The following EIF4A3 variants were observed in gnomAD, a reference collection of about 807,000 sequenced individuals.
The protein encoded by EIF4A3 is eukaryotic translation initiation factor 4A3, also known as eukaryotic initiation factor 4A-III.
Under a neutral mutation model 55.6 loss-of-function variants are expected in EIF4A3, and 1 was observed. The observed-to-expected ratio is 0.02, with a 90% CI of 0.01 to 0.09. The LOEUF (loss-of-function observed/expected upper bound fraction) is 0.09, where lower values mean the gene tolerates loss of function less well. EIF4A3 is among the 10% of genes least tolerant of loss of function. The pLI is 1.00. For missense variants in EIF4A3, 221 were observed against 540.7 expected (o/e 0.41, Z 5.86); for synonymous variants, 194 against 196.3 (o/e 0.99, Z 0.10).
intron 3 of EIF4A3, 116 bp downstream of exon 3, chr17:80,141,666 G>C: frequency 9.7e-7 from 1 of 1,033,062 alleles, no homozygotes; most frequent in Admixed American, 2.5e-5. Flanking sequence ...AAAATTTGCT[G>C]AGTCAATACA....
chr17:80,146,486 G>A (rs953016760), intron 1 of EIF4A3, among the ~76,000 whole-genome samples: 1 of 152,228 alleles, frequency 6.6e-6, no homozygotes, highest in Non-Finnish European at 1.5e-5. Context: ...ACCTAGAAAA[G>A]CTAATAGGTA....
chr17:80,140,437 C>T (rs2039608262), intron 4 of EIF4A3: 1 of 237,994 alleles, frequency 4.2e-6, no homozygotes. Flanking sequence ...CCTCAGCTTC[C>T]TGAGTAGCTG....
chr17:80,137,626 T>C, intron 8 of EIF4A3, 125 bp from the exon 9 acceptor site: 1 of 732,020 alleles, frequency 1.4e-6, no homozygotes, highest in Non-Finnish European at 2.2e-6. Flanking sequence ...CTCTTAAAAC[T>C]CAGAATCATC....
intron 1 of EIF4A3, among the ~76,000 whole-genome samples, 190 bp from the exon 2 acceptor site, chr17:80,144,434 G>A (rs555904380): frequency 6.6e-6 from 1 of 151,518 alleles, no homozygotes; most frequent in East Asian, 1.9e-4. Flanking sequence ...ACACTAACGT[G>A]GGATATTATT....
chr17:80,138,162 A>T lies in EIF4A3; in HGVS notation c.847T>A (p.Phe283Ile). ...DTLTITQAVI[F>I]CNTKRKVDWL... ...CTTACCTTTCTTTTGGTGTTGCAGA[A>T]GATGACCGCCTGAGTGATGGTCAGT... Residue 283 changes from phenylalanine to isoleucine, a missense_variant, in exon 8 of 12, where the codon TTC becomes ATC. Transcript: ENST00000649764. 1.2e-6 allele frequency: 2 copies of T among 1,614,142 alleles called. No homozygotes were observed. The highest frequency in any genetic ancestry group is 1.7e-6 in the Non-Finnish European group (2 of 1,179,966).
At chr17:80,141,471 C>G (rs2143995132) in intron 3 of EIF4A3, 90 bp from the exon 4 acceptor site, 3 of 1,250,884 alleles carry the variant, frequency 2.4e-6, no homozygotes, top group Non-Finnish European at 3.5e-6. Flanking sequence ...ATGAGAAATA[C>G]TATCTCATAT....
At position 80,141,306 on chromosome 17, in the gene EIF4A3, T is replaced by G. The variant is rs764857426; in HGVS notation, c.372+13A>C. On this transcript the variant is annotated intron_variant, in intron 4 of 11. Coordinates refer to ENST00000649764, the MANE Select transcript of EIF4A3 (RefSeq NM_014740.4). ...ACTTGTTAATCGGACACCGCTATCT[T>G]TAGCCATCTCACCTTCTGGATCTGC... 4 of 1,610,808 alleles carry G rather than the reference T, an allele frequency of 2.5e-6. No individual in the cohort carries two copies. The highest frequency in any genetic ancestry group is 1.7e-6 in the Non-Finnish European group (2 of 1,177,278).
chr17:80,139,347 C>A, intron 6 of EIF4A3, 185 bp from the exon 7 acceptor site: 2 of 753,898 alleles, frequency 2.7e-6, no homozygotes, highest in South Asian at 1.9e-5. Context: ...CCCCGCCCAC[C>A]GGAGTGTTAT....
At chr17:80,137,001 C>A (rs867050474) in intron 9 of EIF4A3, 1 of 167,912 alleles carries the variant, frequency 6.0e-6, no homozygotes, top group African/African-American at 2.4e-5. Flanking sequence ...GTTAAGCTGA[C>A]CACAAGGTGG....
rs377400429 is a variant in EIF4A3 at position 80,144,152 on chromosome 17, C to T, written c.242+20G>A. 1.7e-4 allele frequency: 276 copies of T among 1,612,942 alleles called. 1 individual carries two copies. In the African/African-American group the frequency reaches 3.3e-3, roughly 19 times the overall value. The stretch of plus-strand genomic sequence containing the variant: ...CCCAAATTTACATCCAGCCCTGCGC[C>T]GCACCCCAGGACAACTTACTGTGCG... On this transcript the variant is annotated intron_variant, in intron 2 of 11. Coordinates refer to ENST00000649764, the MANE Select transcript of EIF4A3 (RefSeq NM_014740.4).
chr17:80,136,379 A>G, intron 9 of EIF4A3, 44 bp from the exon 10 acceptor site: 1 of 1,520,756 alleles, frequency 6.6e-7, no homozygotes, highest in African/African-American at 1.4e-5. Flanking sequence ...TTACTCATAC[A>G]AGTGTAAGAC....
chr17:80,146,757 G>A, intron 1 of EIF4A3, 36 bp downstream of exon 1: 3 of 1,590,918 alleles, frequency 1.9e-6, no homozygotes, highest in Non-Finnish European at 1.7e-6. Context: ...CCCCCGACTC[G>A]CCCCCGGCTG....
At chr17:80,145,470 A>G (rs1289251969) in intron 1 of EIF4A3, among the ~76,000 whole-genome samples, 1 of 152,166 alleles carries the variant, frequency 6.6e-6, no homozygotes, top group Non-Finnish European at 1.5e-5. Context: ...AGGCTGAGGC[A>G]AAGGAATCGC....
rs1490136395 is a variant in EIF4A3, at chr17:80,136,236, G to A, written c.1083C>T (p.Tyr361=). The part of the protein sequence containing the change: ...NYDLPNNREL[Y]IHRIGRSGRY... ...GAGAGCTTGCACCTTACCTGTGTAT[G>A]TACAATTCTCTGTTATTAGGGAGAT... The change falls in exon 10 of 12, where the codon TAC becomes TAT. Residue 361 remains tyrosine (Y), a synonymous_variant. Transcript: ENST00000649764. 6.2e-7 allele frequency: 1 copy of A among 1,613,858 alleles called. No homozygotes were observed. Among genetic ancestry groups the A allele is most frequent in the Non-Finnish European group, 8.5e-7 (1 of 1,179,772 alleles).
chr17:80,135,852 G>C (rs187768825), intron 11 of EIF4A3, 152 bp downstream of exon 11: 59 of 1,001,144 alleles, frequency 5.9e-5, no homozygotes, highest in Non-Finnish European at 7.6e-5. Context: ...CCGAAATCGC[G>C]CCACTGCACT....
In EIF4A3 at chr17:80,138,045, C is replaced by G. The variant is rs2039587247; in HGVS notation, c.867+97G>C. ...ATACCCTGAAAGCTTAAAATATGGA[C>G]AAACTGGCCCTTTACTGAAAAATCT... On this transcript the variant is annotated intron_variant, in intron 8 of 11. Transcript: ENST00000649764. 4.1e-6 allele frequency: 6 copies of G among 1,475,920 alleles called. No homozygotes were observed. In the East Asian group the frequency reaches 1.1e-4, roughly 28 times the overall value. 91.4% of individuals were successfully genotyped at this position (1,475,920 alleles called of 1,614,324 possible). A position where few individuals can be genotyped will look rare whatever the true frequency, so the allele number is the denominator to read the frequency against.
At position 80,139,173 on chromosome 17, in the gene EIF4A3, G is replaced by C. The variant is rs779611208; in HGVS notation, c.587-11C>G. ...TCTGCTCTTTGAAACCTGGGACAGG[G>C]AGCAAGACAGGTGAGGGATGTTTAG... is the stretch of plus-strand genomic sequence containing the variant. On this transcript the variant is annotated splice_polypyrimidine_tract_variant and intron_variant, in intron 6 of 11. Coordinates refer to ENST00000649764, the MANE Select transcript of EIF4A3 (RefSeq NM_014740.4). 1.2e-6 allele frequency: 2 copies of C among 1,613,964 alleles called. No individual in the cohort carries two copies. Among genetic ancestry groups the C allele is most frequent in the South Asian group, 2.2e-5 (2 of 91,042 alleles).
At position 80,135,268 on chromosome 17, in the gene EIF4A3, T is replaced by G. The variant is rs946233660; in HGVS notation, c.*222A>C. On this transcript the variant is annotated 3_prime_UTR_variant, in exon 12 of 12. Transcript: ENST00000649764. ...AGAAGTATAGAGTTTATGGGAAAAG[T>G]TTTAAATTTTTAATGAAAAAGACTT... 4.3e-6 allele frequency: 2 copies of G among 462,932 alleles called. No individual in the cohort carries two copies. The highest frequency in any genetic ancestry group is 7.6e-6 in the Non-Finnish European group (2 of 264,322). The allele number at this position is 462,932 out of a possible 1,614,324, so 28.7% of individuals were successfully genotyped here.
At chr17:80,146,169 C>T (rs766594787) in intron 1 of EIF4A3, among the ~76,000 whole-genome samples, 11 of 152,230 alleles carry the variant, frequency 7.2e-5, no homozygotes, top group Non-Finnish European at 1.3e-4. Flanking sequence ...CTTTCAGTTC[C>T]TGGAATGCAG....
Sources: gnomAD v4.1 joint callset for allele counts (sites outside exome capture counted in the v4.1 genomes callset) on GRCh38, gnomAD v4.1.1 for gene constraint, MANE v1.5 for transcripts, NCBI Gene and HGNC (gene_info 2026-07-23, HGNC 2026-07-21) for gene names.